PTPRT: variants seen among roughly 807,000 people sequenced by gnomAD.
PTPRT encodes receptor-type tyrosine-protein phosphatase T.
Under a neutral mutation model 176.8 loss-of-function variants are expected in PTPRT, and 56 were observed. The ratio of observed to expected loss-of-function variants is 0.32; its 90% CI spans 0.26 to 0.40. PTPRT has a LOEUF of 0.40. PTPRT is among the 10% of genes least tolerant of loss of function. The probability of loss-of-function intolerance (pLI) is 1.00; values close to 1 mark genes in which losing one functional copy is unlikely to be tolerated. For missense variants in PTPRT, 1,540 were observed against 1,908.2 expected (o/e 0.81, Z 3.60); for synonymous variants, 783 against 739.0 (o/e 1.06, Z -0.96).
At chr20:42,122,286 T>G (rs1414118148) in intron 19 of PTPRT, among the ~76,000 whole-genome samples, 1 of 152,242 alleles carries the variant, frequency 6.6e-6, no homozygotes, top group African/African-American at 2.4e-5. Flanking sequence ...TTAACATATA[T>G]GTCTTTGCTA....
chr20:42,943,718 A>C (rs1254883460), intron 1 of PTPRT, among the ~76,000 whole-genome samples: 1 of 152,176 alleles, frequency 6.6e-6, no homozygotes, highest in Non-Finnish European at 1.5e-5. Flanking sequence ...AGTTCACCTC[A>C]ACAAACCTTC....
intron 1 of PTPRT, among the ~76,000 whole-genome samples, chr20:42,993,789 T>C (rs1984081326): frequency 1.3e-5 from 2 of 151,936 alleles, no homozygotes; most frequent in Non-Finnish European, 1.5e-5. Flanking sequence ...GCCTAAAATA[T>C]TGCATCATGC....
intron 1 of PTPRT, among the ~76,000 whole-genome samples, chr20:43,096,730 A>C (rs1172254598): frequency 6.6e-6 from 1 of 152,142 alleles, no homozygotes; most frequent in Non-Finnish European, 1.5e-5. Context: ...CTGGCTGGAG[A>C]GGGCTGGAAT....
intron 9 of PTPRT, among the ~76,000 whole-genome samples, chr20:42,361,329 G>C (rs1029633952): frequency 1.3e-5 from 2 of 152,208 alleles, no homozygotes; most frequent in African/African-American, 4.8e-5. Context: ...TGTGTAAGTA[G>C]AAAGTCCTTT....
intron 15 of PTPRT, among the ~76,000 whole-genome samples, chr20:42,204,163 G>A (rs1238669340): frequency 1.3e-5 from 2 of 152,146 alleles, no homozygotes; most frequent in Non-Finnish European, 2.9e-5. Flanking sequence ...TGGAATATTC[G>A]TAACTAGAAA....
Position 42,463,274 on chromosome 20 carries a change from C to T in PTPRT, c.1450+8992G>A, listed in dbSNP as rs570672723. Among the ~76,000 whole-genome samples, 12 of 151,874 alleles carry T rather than the reference C, an allele frequency of 7.9e-5. No individual in the cohort carries two copies. The South Asian group carries it at 2.5e-3, about 32-fold the overall frequency. ...CTGTATCCCTTTTCCATTCCTTTTT[C>T]TTTGTAATTCTTTAATGAATCCACA... On this transcript the variant is annotated intron_variant, in intron 8 of 30. Transcript: ENST00000373187.
intron 1 of PTPRT, among the ~76,000 whole-genome samples, chr20:43,124,431 C>T (rs930848270): frequency 4.6e-5 from 7 of 152,192 alleles, no homozygotes; most frequent in Non-Finnish European, 4.4e-5. Context: ...GGCTTTGTCT[C>T]TTCTCGGGAG....
chr20:42,718,410 G>A (rs912399926), intron 6 of PTPRT, among the ~76,000 whole-genome samples: 2 of 152,086 alleles, frequency 1.3e-5, no homozygotes, highest in Admixed American at 1.3e-4. Context: ...GGTGGCGGGC[G>A]CCAGTAGTTC....
chr20:42,086,743 A>ATATATATATATATATATATAT (rs1436136131), intron 27 of PTPRT, among the ~76,000 whole-genome samples: 1 of 38,302 alleles, frequency 2.6e-5, no homozygotes, highest in Non-Finnish European at 5.8e-5. Context: ...AAAAAAAAAA[A>ATATATATATATATATATATAT]AAAAAAAAAA....
At chr20:42,452,399 AAGAGGAGAGGAT>A (rs2070847442) in intron 8 of PTPRT, among the ~76,000 whole-genome samples, 6 of 152,072 alleles carry the variant, frequency 3.9e-5, no homozygotes. Context: ...TTTGTGAGAG[AAGAGGAGAGGAT>A]GGAAATGTGC....
At chr20:42,127,228 G>A (rs1425558566) in intron 19 of PTPRT, among the ~76,000 whole-genome samples, 3 of 152,228 alleles carry the variant, frequency 2.0e-5, no homozygotes. Flanking sequence ...CAGAGCCCCA[G>A]TGGGCTGACT....
intron 1 of PTPRT, among the ~76,000 whole-genome samples, chr20:43,057,568 C>T (rs1308381422): frequency 1.3e-5 from 2 of 152,146 alleles, no homozygotes; most frequent in Non-Finnish European, 2.9e-5. Context: ...TTAACAATTT[C>T]CTGGTTTTGA....
chr20:42,771,407 T>C, intron 5 of PTPRT, 28 bp downstream of exon 5: 2 of 1,570,028 alleles, frequency 1.3e-6, no homozygotes, highest in South Asian at 2.2e-5. Context: ...TCCTAACGAG[T>C]CTGAGCAGAG....
In PTPRT at chr20:42,303,762, C is replaced by T. The variant is rs143036595; in HGVS notation, c.2139+11961G>A. On this transcript the variant is annotated intron_variant, in intron 12 of 30. Transcript: ENST00000373187. ...CAGAAGATGTTACTATCCAGAACTACGATGGTGGCACTGGAGATGAGAAAA... is the reference window on the plus strand; with the variant it reads ...CAGAAGATGTTACTATCCAGAACTATGATGGTGGCACTGGAGATGAGAAAA... Among the ~76,000 whole-genome samples the T allele has an allele frequency of 4.8e-3, 733 of 152,124 alleles. 6 individuals are homozygous for T. Among genetic ancestry groups the T allele is most frequent in the Non-Finnish European group, 6.6e-3 (448 of 68,004 alleles).
intron 2 of PTPRT, among the ~76,000 whole-genome samples, chr20:42,851,168 A>G (rs891593630): frequency 2.6e-5 from 4 of 152,102 alleles, no homozygotes; most frequent in African/African-American, 7.2e-5. Flanking sequence ...TCTTACATCT[A>G]TTCTGTTCCC....
intron 1 of PTPRT, among the ~76,000 whole-genome samples, chr20:43,154,027 T>G (rs2146426848): frequency 6.6e-6 from 1 of 152,324 alleles, no homozygotes; most frequent in African/African-American, 2.4e-5. Context: ...CTTCACGTCT[T>G]GGGGAAGGAA....
chr20:42,833,415 A>T (rs985535961), intron 2 of PTPRT, among the ~76,000 whole-genome samples: 2 of 151,638 alleles, frequency 1.3e-5, no homozygotes, highest in African/African-American at 4.8e-5. Flanking sequence ...CTCTGAAAAA[A>T]TAAATAAATA....
chr20:43,016,170 G>A (rs1366965064), intron 1 of PTPRT, among the ~76,000 whole-genome samples: 1 of 152,140 alleles, frequency 6.6e-6, no homozygotes, highest in Non-Finnish European at 1.5e-5. Flanking sequence ...CAGGGGGTAT[G>A]GAGCAAGGTC....
chr20:42,486,207 T>C lies in PTPRT; in HGVS notation c.1154-13645A>G, dbSNP rs373520079. 5.9e-5 allele frequency among the ~76,000 whole-genome samples: 9 copies of C among 152,370 alleles called. No individual in the cohort carries two copies. The East Asian group carries it at 9.6e-4, about 16-fold the overall frequency. ...GCCATGACATTGTGAGACACAATCC[T>C]AGCACAGGCTTTTACATAAGCCACC... is the stretch of plus-strand genomic sequence containing the variant. On this transcript the variant is annotated intron_variant, in intron 7 of 30. Coordinates refer to ENST00000373187, the MANE Select transcript of PTPRT (RefSeq NM_007050.6).
Sources: allele counts gnomAD v4.1 joint callset (sites outside exome capture counted in the v4.1 genomes callset), GRCh38; gene constraint gnomAD v4.1.1; transcripts MANE v1.5; gene names NCBI Gene and HGNC (gene_info 2026-07-23, HGNC 2026-07-21).